RBM12B: variants seen among roughly 807,000 people sequenced by gnomAD.
RBM12B encodes the protein RNA-binding protein 12B.
RBM12B carries 10 observed loss-of-function variants against 34.3 expected under a neutral mutation model. That is an observed-to-expected ratio of 0.29 (90% CI 0.18 to 0.49). The LOEUF (loss-of-function observed/expected upper bound fraction) is 0.49, where lower values mean the gene tolerates loss of function less well. RBM12B is among the 20% of genes least tolerant of loss of function. The probability of loss-of-function intolerance (pLI) is 0.99; values close to 1 mark genes in which losing one functional copy is unlikely to be tolerated. For synonymous variants in RBM12B, 477 were observed against 437.1 expected (o/e 1.09, Z -1.14); for missense variants, 1,139 against 1,262.7 (o/e 0.90, Z 1.48).
In RBM12B at chr8:93,734,490, C is replaced by G; in HGVS notation, c.1921G>C (p.Glu641Gln). 1 of 1,607,938 alleles carries G rather than the reference C, an allele frequency of 6.2e-7. No homozygotes were observed. Among genetic ancestry groups the G allele is most frequent in the Non-Finnish European group, 8.5e-7 (1 of 1,176,386 alleles). The change falls in exon 4 of 4, where the codon GAG becomes CAG. Residue 641 changes from glutamate to glutamine, a missense_variant. Around this residue, in one of 3 missense-constraint regions of RBM12B, gnomAD observed 863 missense variants for 869.5 expected, o/e 0.99. Coordinates refer to ENST00000520560, the MANE Select transcript of RBM12B (RefSeq NM_001377960.1). ...TCCTCGGGGAGCTGCCTGAAGTCCT[C>G]CGTGGGAGACCGCCTGAAATCCTCC... ...LEEDFRRSPT[E>Q]DFRQLPEEDF... is the part of the protein sequence containing the mutation.
chr8:93,740,098 G>T (rs569887288), intron 2 of RBM12B: 7 of 355,744 alleles, frequency 2.0e-5, no homozygotes, highest in South Asian at 1.5e-4. Context: ...CACTCTAAAC[G>T]TGAGTTTCCC....
chr8:93,740,866 G>A lies in RBM12B; in HGVS notation c.-146+15C>T. The stretch of plus-strand genomic sequence containing the variant: ...CCCGAGGGGAACTGCTTCGCACTTG[G>A]CAATAAACACACACCACTGCTGCCG... On this transcript the variant is annotated intron_variant, in intron 1 of 3. Transcript: ENST00000520560. 6.3e-6 allele frequency: 2 copies of A among 317,522 alleles called. No individual in the cohort carries two copies. Among genetic ancestry groups the A allele is most frequent in the Non-Finnish European group, 1.2e-5 (2 of 162,488 alleles). 19.7% of individuals were successfully genotyped at this position (317,522 alleles called of 1,614,324 possible).
At chr8:93,740,383 C>G (rs1812162986) in intron 2 of RBM12B, 1 of 457,282 alleles carries the variant, frequency 2.2e-6, no homozygotes, top group Non-Finnish European at 4.4e-6. Flanking sequence ...AAAGTTGCTA[C>G]GTGGGATCCG....
chr8:93,731,960 C>A lies in RBM12B; in HGVS notation c.*1445G>T, dbSNP rs556276043. 5 of 152,156 alleles carry A rather than the reference C, an allele frequency of 3.3e-5. No individual in the cohort carries two copies. Among genetic ancestry groups the A allele is most frequent in the Non-Finnish European group, 5.9e-5 (4 of 67,928 alleles). 9.4% of individuals were successfully genotyped at this position (152,156 alleles called of 1,614,324 possible). ...AGCATGCTGGTTTTACCTATTTATG[C>A]TAATTTTAAACCAACAATTGAAGTG... On this transcript the variant is annotated 3_prime_UTR_variant, in exon 4 of 4. Transcript: ENST00000520560.
Position 93,735,234 on chromosome 8 carries a change from C to G in RBM12B, c.1177G>C (p.Glu393Gln), listed in dbSNP as rs758281349. Residue 393 changes from glutamate (E) to glutamine (Q), a missense_variant, in exon 4 of 4, where the codon GAA (glutamate) becomes CAA (glutamine). By Grantham distance (29) the Glu-to-Gln change is conservative (BLOSUM62 2). Transcript: ENST00000520560. Reference sequence around the variant, plus strand: ...CACAGTTTCTGGCCAGAGTTACCTTCTTGAGAGTATTTTTGTGAAACATGT... The same window carrying G: ...CACAGTTTCTGGCCAGAGTTACCTTGTTGAGAGTATTTTTGTGAAACATGT... ...PGHVSQKYSQ[E>Q]GNSGQKLCIY... 3 of 1,614,040 alleles carry G rather than the reference C, an allele frequency of 1.9e-6. No individual in the cohort carries two copies. Among genetic ancestry groups the G allele is most frequent in the Non-Finnish European group, 2.5e-6 (3 of 1,180,028 alleles).
At position 93,731,551 on chromosome 8, in the gene RBM12B, C is replaced by T. The variant is rs968990133; in HGVS notation, c.*1854G>A. 4.6e-5 allele frequency: 7 copies of T among 152,120 alleles called. No homozygotes were observed. Among genetic ancestry groups the T allele is most frequent in the Non-Finnish European group, 7.4e-5 (5 of 68,016 alleles). 9.4% of individuals were successfully genotyped at this position (152,120 alleles called of 1,614,324 possible). A position where few individuals can be genotyped will look rare whatever the true frequency, so the allele number is the denominator to read the frequency against. On this transcript the variant is annotated 3_prime_UTR_variant, in exon 4 of 4. Coordinates refer to ENST00000520560, the MANE Select transcript of RBM12B (RefSeq NM_001377960.1). ...TTCATTCCATAGCAAGCAGGATATT[C>T]ACTATTTAAAACAAATTTAAGCAGA... is the stretch of plus-strand genomic sequence containing the variant.
In RBM12B at chr8:93,731,487, C is replaced by T. The variant is rs1238472332; in HGVS notation, c.*1918G>A. ...CTTACAAGCTTATACTTTAAAGAAT[C>T]ATACTGAGGTGCTTTTTCATATCAA... On this transcript the variant is annotated 3_prime_UTR_variant, in exon 4 of 4. Transcript: ENST00000520560. 1 of 152,152 alleles carries T rather than the reference C, an allele frequency of 6.6e-6. No individual in the cohort carries two copies. Among genetic ancestry groups the T allele is most frequent in the East Asian group, 1.9e-4 (1 of 5,196 alleles). The allele number at this position is 152,152 out of a possible 1,614,324, so 9.4% of individuals were successfully genotyped here.
Position 93,730,775 on chromosome 8 carries a change from T to C in RBM12B, c.*2630A>G, listed in dbSNP as rs1189600390. ...CTCCCAACTAGAAGATACCACTTTCTGTAATCAACTTTTTATAATGAAGTT... is the reference window on the plus strand; with the variant it reads ...CTCCCAACTAGAAGATACCACTTTCCGTAATCAACTTTTTATAATGAAGTT... On this transcript the variant is annotated 3_prime_UTR_variant, in exon 4 of 4. Coordinates refer to ENST00000520560, the MANE Select transcript of RBM12B (RefSeq NM_001377960.1). 3 of 152,218 alleles carry C rather than the reference T, an allele frequency of 2.0e-5. No homozygotes were observed. Among genetic ancestry groups the C allele is most frequent in the Non-Finnish European group, 4.4e-5 (3 of 68,034 alleles). 9.4% of individuals were successfully genotyped at this position (152,218 alleles called of 1,614,324 possible).
intron 1 of RBM12B, 57 bp from the exon 2 acceptor site, chr8:93,740,753 G>A (rs1165889188): frequency 1.1e-5 from 4 of 354,056 alleles, no homozygotes; most frequent in South Asian, 2.1e-5. Flanking sequence ...CCTAACGGCA[G>A]GAGCTACGCT....
At position 93,728,782 on chromosome 8, in the gene RBM12B, C is replaced by T. The variant is rs772505045; in HGVS notation, c.*4623G>A. The T allele has an allele frequency of 1.6e-4, 24 of 151,998 alleles. No individual in the cohort carries two copies. Among genetic ancestry groups the T allele is most frequent in the African/African-American group, 5.3e-4 (22 of 41,478 alleles). 9.4% of individuals were successfully genotyped at this position (151,998 alleles called of 1,614,324 possible). On this transcript the variant is annotated 3_prime_UTR_variant, in exon 4 of 4. Transcript: ENST00000520560. ...CTTTATCATTTGATAAGTAAATTTACTTTTCAAGAAGAGTATAACCAAAGA... is the reference window on the plus strand; with the variant it reads ...CTTTATCATTTGATAAGTAAATTTATTTTTCAAGAAGAGTATAACCAAAGA...
Position 93,740,649 on chromosome 8 carries a change from T to C in RBM12B, c.-98A>G. 2.6e-6 allele frequency: 1 copy of C among 385,844 alleles called. No homozygotes were observed. Among genetic ancestry groups the C allele is most frequent in the Non-Finnish European group, 5.1e-6 (1 of 194,616 alleles). 23.9% of individuals were successfully genotyped at this position (385,844 alleles called of 1,614,324 possible). ...TATACCTATGAAATCCTTCGAGATCTTCACTCTCAAGATCCCTGGGAAGCG... is the reference window on the plus strand; with the variant it reads ...TATACCTATGAAATCCTTCGAGATCCTCACTCTCAAGATCCCTGGGAAGCG... On this transcript the variant is annotated 5_prime_UTR_variant, in exon 2 of 4. Transcript: ENST00000520560.
Position 93,728,238 on chromosome 8 carries a change from G to A in RBM12B, c.*5167C>T, listed in dbSNP as rs1379913461. 1 of 1,598,764 alleles carries A rather than the reference G, an allele frequency of 6.3e-7. No individual in the cohort carries two copies. Among genetic ancestry groups the A allele is most frequent in the Admixed American group, 1.7e-5 (1 of 57,328 alleles). The stretch of plus-strand genomic sequence containing the variant: ...TTGTCGACTAAGAAAGGATCAACAA[G>A]CAGAAGATGATGAGGATGACGAGTT... On this transcript the variant is annotated 3_prime_UTR_variant, in exon 4 of 4. Coordinates refer to ENST00000520560, the MANE Select transcript of RBM12B (RefSeq NM_001377960.1).
Position 93,733,950 on chromosome 8 carries a change from G to C in RBM12B, c.2461C>G (p.His821Asp). The part of the protein sequence containing the change: ...FRGPPDEDFR[H>D]PPDEDFRSPQ... ...CTCCTGAAGTCCTCATCAGGAGGGT[G>C]CCTAAAGTCTTCATCAGGAGGGCCC... The change falls in exon 4 of 4, where the codon CAC becomes GAC. Residue 821 changes from histidine to aspartate, a missense_variant. By Grantham distance (81) the His-to-Asp change is moderately conservative. Transcript: ENST00000520560. 6.2e-7 allele frequency: 1 copy of C among 1,613,430 alleles called. No homozygotes were observed. Among genetic ancestry groups the C allele is most frequent in the African/African-American group, 1.3e-5 (1 of 74,856 alleles).
chr8:93,731,249 A>C lies in RBM12B; in HGVS notation c.*2156T>G, dbSNP rs149432604. ...CCACCTCAGCCCAGTTTGAAATGCA[A>C]TTCCACAGTAAGTAATCCCTCACGT... On this transcript the variant is annotated 3_prime_UTR_variant, in exon 4 of 4. Transcript: ENST00000520560. 1.3e-5 allele frequency: 2 copies of C among 152,222 alleles called. No individual in the cohort carries two copies. Among genetic ancestry groups the C allele is most frequent in the African/African-American group, 4.8e-5 (2 of 41,446 alleles). The allele number at this position is 152,222 out of a possible 1,614,324, so 9.4% of individuals were successfully genotyped here.
rs1345105913 is a variant in RBM12B, at chr8:93,734,644, C to T, written c.1767G>A (p.Arg589=). Residue 589 remains arginine (R), a synonymous_variant, in exon 4 of 4, where the codon CGG becomes CGA. Transcript: ENST00000520560. Reference sequence around the variant, plus strand: ...GGCGCCTGAAGTCCTCCTCAGAAGGCCGCCTGAAGTCTTCCTCCCTAGGTC... The same window carrying T: ...GGCGCCTGAAGTCCTCCTCAGAAGGTCGCCTGAAGTCTTCCTCCCTAGGTC... The part of the protein sequence containing the change: ...FRRPREEDFR[R]PSEEDFRRPW... 1 of 1,613,546 alleles carries T rather than the reference C, an allele frequency of 6.2e-7. No homozygotes were observed. The highest frequency in any genetic ancestry group is 8.5e-7 in the Non-Finnish European group (1 of 1,179,782).
intron 2 of RBM12B, among the ~76,000 whole-genome samples, chr8:93,738,386 T>C (rs1213382138): frequency 6.6e-6 from 1 of 152,218 alleles, no homozygotes. Flanking sequence ...TAAAGAAGTT[T>C]GCGTTTAATA....
chr8:93,740,825 T>G, intron 1 of RBM12B, 56 bp downstream of exon 1: 1 of 327,804 alleles, frequency 3.1e-6, no homozygotes, highest in Non-Finnish European at 5.9e-6. Flanking sequence ...CGCCCAGCCC[T>G]CCCCACCCCC....
At chr8:93,736,503 C>A in intron 3 of RBM12B, 65 bp from the exon 4 acceptor site, 2 of 1,259,980 alleles carry the variant, frequency 1.6e-6, no homozygotes, top group Non-Finnish European at 2.1e-6. Context: ...CCAAACTAAG[C>A]TTAATAATTA....
chr8:93,737,807 CAAAAAAA>C (rs78204688), intron 2 of RBM12B, among the ~76,000 whole-genome samples: 11,917 of 100,644 alleles, frequency 0.12, 1,478 homozygotes, highest in African/African-American at 0.34. Context: ...ACCCAAAGTT[CAAAAAAA>C]AAAAAAAAAA....
Sources: allele counts gnomAD v4.1 joint callset (sites outside exome capture counted in the v4.1 genomes callset), GRCh38; gene constraint gnomAD v4.1.1; regional missense constraint gnomAD v4.1.1; transcripts MANE v1.5; gene names NCBI Gene and HGNC (gene_info 2026-07-23, HGNC 2026-07-21).